Variants in OSTN observed in about 807,000 individuals in gnomAD.
OSTN encodes osteocrin.
Under a neutral mutation model 12.0 loss-of-function variants are expected in OSTN, and 9 were observed. The ratio of observed to expected loss-of-function variants is 0.75; its 90% CI spans 0.45 to 1.30. The LOEUF is 1.30. Among genes scored for constraint, OSTN ranks in the 50% most tolerant of loss-of-function variants. The pLI is 0.00. For synonymous variants in OSTN, 59 were observed against 56.9 expected (o/e 1.04, Z -0.16); for missense variants, 148 against 152.3 (o/e 0.97, Z 0.15).
intron 3 of OSTN, among the ~76,000 whole-genome samples, chr3:191,244,160 G>A (rs1202288594): frequency 1.3e-5 from 2 of 151,984 alleles, no homozygotes; most frequent in Admixed American, 1.3e-4. Flanking sequence ...TCAATAAAAA[G>A]TTTAAAAACA....
At position 191,265,395 on chromosome 3, in the gene OSTN, C is replaced by T. The variant is rs1429534123; in HGVS notation, c.*2542C>T. 6.6e-6 allele frequency: 1 copy of T among 152,166 alleles called. No homozygotes were observed. Among genetic ancestry groups the T allele is most frequent in the Non-Finnish European group, 1.5e-5 (1 of 68,008 alleles). 9.4% of individuals were successfully genotyped at this position (152,166 alleles called of 1,614,324 possible). ...ACTGGCTATGTTGTCCTAAAATTTA[C>T]ACACACTAAAAAATGTCTGTCAAGT... On this transcript the variant is annotated 3_prime_UTR_variant, in exon 5 of 5. Transcript: ENST00000682035.
intron 3 of OSTN, among the ~76,000 whole-genome samples, chr3:191,246,749 AG>A (rs746075152): frequency 1.0e-3 from 81 of 81,120 alleles, no homozygotes; most frequent in Non-Finnish European, 2.2e-3. Flanking sequence ...GAAGAGGAGA[AG>A]GAGGAGAAGG....
chr3:191,208,993 A>T (rs553190084), intron 1 of OSTN, among the ~76,000 whole-genome samples: 16 of 152,138 alleles, frequency 1.1e-4, no homozygotes, highest in African/African-American at 3.6e-4. Flanking sequence ...CTCTGTCTCT[A>T]CCAAAAATAC....
At chr3:191,221,400 T>C (rs1714759780) in intron 3 of OSTN, among the ~76,000 whole-genome samples, 1 of 151,976 alleles carries the variant, frequency 6.6e-6, no homozygotes, top group Non-Finnish European at 1.5e-5. Context: ...GATAGGATAA[T>C]ATGGGAAAGT....
chr3:191,200,491 A>C (rs1200516565), intron 1 of OSTN, among the ~76,000 whole-genome samples: 5 of 152,186 alleles, frequency 3.3e-5, no homozygotes, highest in African/African-American at 1.2e-4. Context: ...ACATTTGATT[A>C]ATAAAATTAG....
At chr3:191,208,064 T>C (rs1371579764) in intron 1 of OSTN, among the ~76,000 whole-genome samples, 1 of 152,204 alleles carries the variant, frequency 6.6e-6, no homozygotes, top group Non-Finnish European at 1.5e-5. Context: ...TAAGGCGGAT[T>C]CCATGGTCGC....
intron 2 of OSTN, chr3:191,217,144 T>G (rs1046421896): frequency 1.3e-5 from 2 of 152,248 alleles, no homozygotes; most frequent in Admixed American, 1.3e-4. Flanking sequence ...AGGCACCTTC[T>G]TCACAAGGCA....
rs189268108 is a variant in OSTN at position 191,213,130 on chromosome 3, A to G, written c.102+496A>G. Among the ~76,000 whole-genome samples, 9 of 152,080 alleles carry G rather than the reference A, an allele frequency of 5.9e-5. No individual in the cohort carries two copies. The East Asian group carries it at 1.7e-3, about 29-fold the overall frequency. ...GAGATCCGCCCGCCTCAACCTTCCA[A>G]AGTGCTGGGATTACAGGCGTGAGCC... On this transcript the variant is annotated intron_variant, in intron 2 of 4. Transcript: ENST00000682035.
At chr3:191,208,065 C>T (rs1476492358) in intron 1 of OSTN, among the ~76,000 whole-genome samples, 1 of 152,146 alleles carries the variant, frequency 6.6e-6, no homozygotes, top group Non-Finnish European at 1.5e-5. Flanking sequence ...AAGGCGGATT[C>T]CATGGTCGCT....
chr3:191,244,407 A>C (rs1165105127), intron 3 of OSTN, among the ~76,000 whole-genome samples: 4 of 151,682 alleles, frequency 2.6e-5, no homozygotes, highest in African/African-American at 9.7e-5. Context: ...GGGTTGTTTT[A>C]AATGCATATA....
Position 191,263,003 on chromosome 3 carries a change from A to G in OSTN, c.*150A>G, listed in dbSNP as rs1341146784. On this transcript the variant is annotated 3_prime_UTR_variant, in exon 5 of 5. Transcript: ENST00000682035. ...CAAAGCTTGAACTTCAGTCCATCAC[A>G]TTACAGCATTGTTACAGCTTCAATT... 1 of 634,746 alleles carries G rather than the reference A, an allele frequency of 1.6e-6. No individual in the cohort carries two copies. Among genetic ancestry groups the G allele is most frequent in the East Asian group, 2.8e-5 (1 of 35,672 alleles). The allele number at this position is 634,746 out of a possible 1,614,324, so 39.3% of individuals were successfully genotyped here. A position where few individuals can be genotyped will look rare whatever the true frequency, so the allele number is the denominator to read the frequency against.
At chr3:191,223,992 G>A (rs528213892) in intron 3 of OSTN, among the ~76,000 whole-genome samples, 4 of 151,348 alleles carry the variant, frequency 2.6e-5, no homozygotes, top group East Asian at 1.9e-4. Context: ...ATGAACAAAC[G>A]ATACCAGAAA....
chr3:191,234,402 A>T (rs1185311830), intron 3 of OSTN, among the ~76,000 whole-genome samples: 1 of 152,100 alleles, frequency 6.6e-6, no homozygotes, highest in Non-Finnish European at 1.5e-5. Context: ...TGCCTTGAGA[A>T]AAGTAGTGAC....
chr3:191,237,458 A>C (rs1237831788), intron 3 of OSTN, among the ~76,000 whole-genome samples: 1 of 152,214 alleles, frequency 6.6e-6, no homozygotes, highest in Non-Finnish European at 1.5e-5. Flanking sequence ...AGTTTATTAA[A>C]AAGCTTTAGA....
At position 191,242,918 on chromosome 3, in the gene OSTN, G is replaced by A. The variant is rs962338586; in HGVS notation, c.318-7119G>A. 1.2e-4 allele frequency among the ~76,000 whole-genome samples: 18 copies of A among 151,858 alleles called. No individual in the cohort carries two copies. In the South Asian group the frequency reaches 1.2e-3, roughly 11 times the overall value. On this transcript the variant is annotated intron_variant, in intron 3 of 4. Transcript: ENST00000682035. ...ATATTTGAAATTTATAACTCTCAAA[G>A]TCTAATATTCAGAGTATTCAAAGCC...
At chr3:191,223,746 T>C (rs1714831116) in intron 3 of OSTN, among the ~76,000 whole-genome samples, 1 of 151,880 alleles carries the variant, frequency 6.6e-6, no homozygotes, top group Admixed American at 6.6e-5. Context: ...AAAATTTCTC[T>C]ATGAAAAAAA....
At chr3:191,230,711 A>G (rs1350242779) in intron 3 of OSTN, among the ~76,000 whole-genome samples, 2 of 152,192 alleles carry the variant, frequency 1.3e-5, no homozygotes, top group East Asian at 3.8e-4. Context: ...GCATTCTGCA[A>G]CCATTCATAT....
chr3:191,217,904 TA>T (rs201534454), intron 2 of OSTN, among the ~76,000 whole-genome samples: 215 of 146,056 alleles, frequency 1.5e-3, no homozygotes, highest in African/African-American at 3.9e-3. Flanking sequence ...GAATGAATGG[TA>T]AAAAAAAAAA....
At chr3:191,199,513 A>G (rs982404809) in intron 1 of OSTN, among the ~76,000 whole-genome samples, 1 of 152,084 alleles carries the variant, frequency 6.6e-6, no homozygotes, top group East Asian at 1.9e-4. Context: ...CAGATATTTC[A>G]TATTTATAAG....
Sources: gnomAD v4.1 joint callset for allele counts (sites outside exome capture counted in the v4.1 genomes callset) on GRCh38, gnomAD v4.1.1 for gene constraint, MANE v1.5 for transcripts, NCBI Gene and HGNC (gene_info 2026-07-23, HGNC 2026-07-21) for gene names.